The following TMEM132D variants were observed in gnomAD, a reference collection of about 807,000 sequenced individuals.
TMEM132D encodes mature OL transmembrane protein.
TMEM132D carries 21 observed loss-of-function variants against 62.3 expected under a neutral mutation model. The ratio of observed to expected loss-of-function variants is 0.34; its 90% CI spans 0.24 to 0.49. The LOEUF (loss-of-function observed/expected upper bound fraction) is 0.49, where lower values mean the gene tolerates loss of function less well. Ranked by LOEUF, TMEM132D falls within the 20% of genes least tolerant of loss-of-function variation. The pLI, the probability that TMEM132D is intolerant of heterozygous loss-of-function variation, is 0.99. For missense variants in TMEM132D, 1,346 were observed against 1,402.8 expected (o/e 0.96, Z 0.65); for synonymous variants, 621 against 575.6 (o/e 1.08, Z -1.13).
chr12:129,665,922 C>T (rs1880365171), intron 2 of TMEM132D, among the ~76,000 whole-genome samples: 2 of 152,016 alleles, frequency 1.3e-5, no homozygotes, highest in African/African-American at 4.8e-5. Flanking sequence ...ACCTAGTTTA[C>T]AATTGGGAAG....
intron 3 of TMEM132D, among the ~76,000 whole-genome samples, chr12:129,424,282 A>C (rs1011534477): frequency 6.6e-5 from 10 of 152,064 alleles, no homozygotes; most frequent in African/African-American, 2.4e-4. Context: ...ATAAAGTATT[A>C]GTTTCTCCTT....
At chr12:129,416,283 G>C (rs1872118865) in intron 3 of TMEM132D, among the ~76,000 whole-genome samples, 1 of 152,190 alleles carries the variant, frequency 6.6e-6, no homozygotes, top group South Asian at 2.1e-4. Flanking sequence ...TCCCCTGTAA[G>C]TTGTATTCCT....
At chr12:129,083,391 G>A (rs1023305089) in intron 6 of TMEM132D, among the ~76,000 whole-genome samples, 2 of 152,180 alleles carry the variant, frequency 1.3e-5, no homozygotes, top group East Asian at 1.9e-4. Context: ...CTGTGACAGC[G>A]TGTGGGATGC....
chr12:129,385,085 CTTTTTTTTTTT>C (rs869098367), intron 3 of TMEM132D, among the ~76,000 whole-genome samples: 7 of 86,892 alleles, frequency 8.1e-5, no homozygotes, highest in East Asian at 3.9e-4. Context: ...TGTTAAAGTT[CTTTTTTTTTTT>C]TTTTTTTTTT....
chr12:129,861,393 G>A (rs1004050914), intron 1 of TMEM132D, among the ~76,000 whole-genome samples: 5 of 152,096 alleles, frequency 3.3e-5, no homozygotes, highest in Admixed American at 6.6e-5. Flanking sequence ...AAACCTCCTC[G>A]GTAAAACCAA....
chr12:129,807,630 C>G lies in TMEM132D; in HGVS notation c.79+95631G>C, dbSNP rs556282106. On this transcript the variant is annotated intron_variant, in intron 1 of 8. Transcript: ENST00000422113. ...ATTTTTGCAAAGTTAAGAGACGATG[C>G]GTTGATTGTTAACATCTGTCTTCCG... 1.1e-4 allele frequency among the ~76,000 whole-genome samples: 16 copies of G among 152,276 alleles called. No individual in the cohort carries two copies. In the South Asian group the frequency reaches 3.3e-3, roughly 32 times the overall value.
chr12:129,382,677 C>A (rs75693774), intron 3 of TMEM132D, among the ~76,000 whole-genome samples: 1 of 152,174 alleles, frequency 6.6e-6, no homozygotes, highest in Non-Finnish European at 1.5e-5. Context: ...GCATCTCATT[C>A]GTCTACCTTG....
chr12:129,474,196 G>A (rs12311100), intron 3 of TMEM132D, among the ~76,000 whole-genome samples: 2 of 152,226 alleles, frequency 1.3e-5, no homozygotes, highest in Admixed American at 6.5e-5. Flanking sequence ...CAGGGGACTC[G>A]GGAACAGGAG....
At position 129,203,081 on chromosome 12, in the gene TMEM132D, C is replaced by T. The variant is rs543930550; in HGVS notation, c.1443+6439G>A. Among the ~76,000 whole-genome samples the T allele has an allele frequency of 3.3e-5, 5 of 152,300 alleles. No homozygotes were observed. The South Asian group carries it at 1.0e-3, about 32-fold the overall frequency. The stretch of plus-strand genomic sequence containing the variant: ...CCTACTGAACAGTAACCTAACTGCA[C>T]GTTCAACCACACTGTACCTGCTTTT... On this transcript the variant is annotated intron_variant, in intron 5 of 8. Transcript: ENST00000422113.
chr12:129,312,801 A>C (rs1014800845), intron 4 of TMEM132D, among the ~76,000 whole-genome samples: 1 of 152,258 alleles, frequency 6.6e-6, no homozygotes, highest in Non-Finnish European at 1.5e-5. Context: ...AAGGACATAC[A>C]TTCTAGTTCA....
chr12:129,248,004 C>A (rs1880167618), intron 4 of TMEM132D, among the ~76,000 whole-genome samples: 1 of 152,158 alleles, frequency 6.6e-6, no homozygotes, highest in South Asian at 2.1e-4. Flanking sequence ...TATTTGCATG[C>A]CTTTAGCATA....
chr12:129,198,415 G>A (rs968360488), intron 5 of TMEM132D, among the ~76,000 whole-genome samples: 1 of 152,232 alleles, frequency 6.6e-6, no homozygotes, highest in East Asian at 1.9e-4. Flanking sequence ...ATCAATCTAA[G>A]TGTCCATCAA....
At chr12:129,140,492 A>C (rs549497904) in intron 5 of TMEM132D, among the ~76,000 whole-genome samples, 1 of 152,264 alleles carries the variant, frequency 6.6e-6, no homozygotes, top group African/African-American at 2.4e-5. Context: ...TCATATAAAT[A>C]GAATTTTACA....
intron 1 of TMEM132D, among the ~76,000 whole-genome samples, chr12:129,831,556 C>G (rs553601319): frequency 1.3e-5 from 2 of 152,302 alleles, no homozygotes; most frequent in African/African-American, 4.8e-5. Flanking sequence ...GGATTCCAAA[C>G]GAGACGACAC....
At position 129,388,287 on chromosome 12, in the gene TMEM132D, C is replaced by T. The variant is rs113527529; in HGVS notation, c.1116-50470G>A. ...TACTAACACCAACACCAATCCAGCA[C>T]TGATGATAATATTAACACTAACATG... On this transcript the variant is annotated intron_variant, in intron 3 of 8. Transcript: ENST00000422113. Among the ~76,000 whole-genome samples the T allele has an allele frequency of 4.2e-3, 418 of 99,838 alleles. 1 individual carries two copies. The highest frequency in any genetic ancestry group is 9.0e-3 in the African/African-American group (210 of 23,402). The allele number at this position is 99,838 out of a possible 152,430, so 65.5% of individuals were successfully genotyped here.
intron 5 of TMEM132D, among the ~76,000 whole-genome samples, chr12:129,172,603 A>G (rs1380877752): frequency 2.6e-5 from 4 of 152,094 alleles, no homozygotes; most frequent in Non-Finnish European, 1.5e-5. Context: ...TTTGAGATAG[A>G]GTTTCACTCT....
At chr12:129,379,174 G>A (rs1870865979) in intron 3 of TMEM132D, among the ~76,000 whole-genome samples, 1 of 152,054 alleles carries the variant, frequency 6.6e-6, no homozygotes, top group Admixed American at 6.6e-5. Flanking sequence ...TCTGAATTTG[G>A]CCACGACTCT....
intron 3 of TMEM132D, among the ~76,000 whole-genome samples, chr12:129,518,987 C>T (rs1174525967): frequency 6.6e-6 from 1 of 152,200 alleles, no homozygotes; most frequent in East Asian, 1.9e-4. Flanking sequence ...CCATTGGTTA[C>T]AATTCCATTC....
intron 4 of TMEM132D, among the ~76,000 whole-genome samples, chr12:129,218,180 T>C (rs947084408): frequency 6.6e-6 from 1 of 152,200 alleles, no homozygotes. Context: ...TGTCCAGCTT[T>C]TAAATTCATC....
Sources: allele counts gnomAD v4.1 joint callset (sites outside exome capture counted in the v4.1 genomes callset), GRCh38; gene constraint gnomAD v4.1.1; transcripts MANE v1.5; gene names NCBI Gene and HGNC (gene_info 2026-07-23, HGNC 2026-07-21).